Variants in COL1A2 observed in about 807,000 individuals in gnomAD.
The protein encoded by COL1A2 is collagen type I alpha 2 chain, also known as collagen alpha-2(I) chain.
In COL1A2, 49 loss-of-function variants were observed where a neutral mutation model predicts 174.3. The ratio of observed to expected loss-of-function variants is 0.28; its 90% CI spans 0.22 to 0.36. The LOEUF is 0.36. Among genes scored for constraint, COL1A2 ranks in the 10% least tolerant of loss-of-function variants. COL1A2 has a pLI of 1.00. For missense variants in COL1A2, 1,438 were observed against 1,822.7 expected (o/e 0.79, Z 3.84); for synonymous variants, 655 against 606.6 (o/e 1.08, Z -1.17).
chr7:94,406,323 C>T lies in COL1A2; in HGVS notation c.594+20C>T. On this transcript the variant is annotated intron_variant, in intron 12 of 51. Coordinates refer to ENST00000297268, the MANE Select transcript of COL1A2 (RefSeq NM_000089.4). ...GTGAAGGTAAATATTAAATTAGAAGCACTGTTTTTAAGCACTTGATTGAAA... is the reference window on the plus strand; with the variant it reads ...GTGAAGGTAAATATTAAATTAGAAGTACTGTTTTTAAGCACTTGATTGAAA... 1 of 1,612,656 alleles carries T rather than the reference C, an allele frequency of 6.2e-7. No individual in the cohort carries two copies. The highest frequency in any genetic ancestry group is 1.3e-5 in the African/African-American group (1 of 75,012).
intron 33 of COL1A2, 37 bp from the exon 34 acceptor site, chr7:94,419,461 G>A: frequency 6.2e-7 from 1 of 1,606,222 alleles, no homozygotes; most frequent in Admixed American, 1.7e-5. Context: ...ATGATACGGG[G>A]TGTTATTAAT....
Position 94,417,811 on chromosome 7 carries a change from C to A in COL1A2, c.1951C>A (p.Pro651Thr). ...LPGERGAAGI[P>T]GGKGEKGEPG... ...AGGAGAGAGGGGTGCTGCTGGCATA[C>A]CTGGAGGCAAGGGAGAAAAGGTACG... The change falls in exon 32 of 52, where the codon CCT (proline) becomes ACT (threonine). Residue 651 changes from proline (P) to threonine (T), a missense_variant. Pro to Thr is a conservative substitution (Grantham distance 38). Coordinates refer to ENST00000297268, the MANE Select transcript of COL1A2 (RefSeq NM_000089.4). 1 of 1,601,750 alleles carries A rather than the reference C, an allele frequency of 6.2e-7. No homozygotes were observed. The highest frequency in any genetic ancestry group is 8.5e-7 in the Non-Finnish European group (1 of 1,173,944).
chr7:94,416,690 C>G, intron 31 of COL1A2, 187 bp downstream of exon 31: 1 of 592,688 alleles, frequency 1.7e-6, no homozygotes, highest in East Asian at 2.8e-5. Flanking sequence ...CAAACAATAG[C>G]AACAAACTGT....
chr7:94,427,282 AC>A lies in COL1A2; in HGVS notation c.3256del (p.Gln1086LysfsTer18). ...GCTGGCATTCGAGGCCCTCAGGGTCACCAAGGCCCTGCTGTAAGTATGATTT... is the reference window on the plus strand; with the variant it reads ...GCTGGCATTCGAGGCCCTCAGGGTCACAAGGCCCTGCTGTAAGTATGATTT... ...GPAGIRGPQG[H>X]QGPAGPPGPP... On this transcript the variant is annotated frameshift_variant, in exon 48 of 52. Transcript: ENST00000297268. LOFTEE classifies it high-confidence loss of function. 6.2e-7 allele frequency: 1 copy of A among 1,612,574 alleles called. No homozygotes were observed. Among genetic ancestry groups the A allele is most frequent in the Non-Finnish European group, 8.5e-7 (1 of 1,179,132 alleles).
intron 12 of COL1A2, 131 bp from the exon 13 acceptor site, chr7:94,407,716 C>G: frequency 1.3e-6 from 1 of 769,496 alleles, no homozygotes; most frequent in East Asian, 2.8e-5. Flanking sequence ...AATTGAAAAA[C>G]AATCTATATG....
chr7:94,410,117 G>T (rs955275709), intron 19 of COL1A2, 125 bp from the exon 20 acceptor site: 14 of 951,836 alleles, frequency 1.5e-5, no homozygotes, highest in Non-Finnish European at 8.3e-6. Context: ...AATATGAACA[G>T]GGTACATTTC....
chr7:94,417,730 C>G lies in COL1A2; in HGVS notation c.1870C>G (p.Pro624Ala), dbSNP rs886062517. The G allele has an allele frequency of 3.0e-5, 47 of 1,591,458 alleles. No individual in the cohort carries two copies. The highest frequency in any genetic ancestry group is 3.8e-5 in the Non-Finnish European group (44 of 1,168,172). Reference protein sequence around the residue: ...PPGPDGNKGEPGVVGAVGTAG... With the variant: ...PPGPDGNKGEAGVVGAVGTAG... The stretch of plus-strand genomic sequence containing the variant: ...CACATGTGTTTGACTCAAGGGTGAA[C>G]CTGGTGTGGTTGGTGCTGTGGGCAC... The change falls in exon 32 of 52, where the codon CCT becomes GCT. Residue 624 changes from proline (P) to alanine (A), a missense_variant. Pro to Ala is a conservative substitution (Grantham distance 27). Coordinates refer to ENST00000297268, the MANE Select transcript of COL1A2 (RefSeq NM_000089.4).
chr7:94,427,939 A>T, intron 49 of COL1A2, 54 bp downstream of exon 49: 2 of 1,590,680 alleles, frequency 1.3e-6, no homozygotes, highest in Non-Finnish European at 1.7e-6. Context: ...GAGCTTTTCA[A>T]AATTAGTTTC....
In COL1A2 at chr7:94,427,042, T is replaced by C; in HGVS notation, c.3140T>C (p.Val1047Ala). 1.9e-6 allele frequency: 3 copies of C among 1,614,106 alleles called. No homozygotes were observed. Among genetic ancestry groups the C allele is most frequent in the East Asian group, 2.2e-5 (1 of 44,880 alleles). The part of the protein sequence containing the change: ...HHGDQGAPGS[V>A]GPAGPRGPAG... ...GGTGATCAAGGTGCTCCTGGCTCCG[T>C]GGGTCCTGCTGGTCCTAGGGTAGGT... The change falls in exon 47 of 52, where the codon GTG becomes GCG. Residue 1047 changes from valine to alanine, a missense_variant. Physicochemically the swap from Val to Ala is moderately conservative, Grantham distance 64. Coordinates refer to ENST00000297268, the MANE Select transcript of COL1A2 (RefSeq NM_000089.4).
chr7:94,408,412 G>A (rs1226199712), intron 15 of COL1A2, 32 bp downstream of exon 15: 3 of 1,611,382 alleles, frequency 1.9e-6, no homozygotes, highest in Non-Finnish European at 2.5e-6. Flanking sequence ...TTTGAAAGGA[G>A]TTGAGAATGT....
intron 32 of COL1A2, 74 bp from the exon 33 acceptor site, chr7:94,418,425 A>G (rs1459123907): frequency 2.2e-6 from 3 of 1,342,424 alleles, no homozygotes; most frequent in Non-Finnish European, 1.1e-6. Context: ...GTAAAAAAGA[A>G]AAAAACTTCA....
In COL1A2 at chr7:94,410,531, G is replaced by GGTTT. The variant is rs1295193888; in HGVS notation, c.1197+5_1197+8dup. The GGTTT allele has an allele frequency of 1.9e-6, 3 of 1,547,186 alleles. No homozygotes were observed. The Admixed American group carries it at 5.9e-5, about 30-fold the overall frequency. ...TCCAGGACCTCCTGGGCTGAGAGTA[G>GGTTT]GTTTCAAATGCTCCCAACACCCTAA... On this transcript the variant is annotated splice_donor_region_variant and intron_variant, in intron 21 of 51. Transcript: ENST00000297268.
chr7:94,430,038 T>A (rs1792366644), intron 51 of COL1A2: 1 of 589,028 alleles, frequency 1.7e-6, no homozygotes, highest in Admixed American at 3.0e-5. Context: ...GGTTTGTTTG[T>A]TTGTTTGTTT....
intron 46 of COL1A2, 179 bp downstream of exon 46, chr7:94,426,709 G>T: frequency 1.5e-6 from 1 of 686,224 alleles, no homozygotes; most frequent in Non-Finnish European, 2.6e-6. Context: ...CATGAAAGGT[G>T]AGGATTAAGG....
At chr7:94,408,273 A>G in intron 14 of COL1A2, 37 bp downstream of exon 14, 1 of 1,614,048 alleles carries the variant, frequency 6.2e-7, no homozygotes, top group Non-Finnish European at 8.5e-7. Context: ...TCATCCTTTT[A>G]AAAAATCTTC....
At chr7:94,430,108 G>A (rs2115969284) in intron 51 of COL1A2, 139 bp from the exon 52 acceptor site, 2 of 853,376 alleles carry the variant, frequency 2.3e-6, no homozygotes, top group Non-Finnish European at 3.8e-6. Context: ...GTTATTTCAA[G>A]GATGAACTTA....
chr7:94,410,641 G>T, intron 21 of COL1A2, 114 bp downstream of exon 21: 1 of 986,712 alleles, frequency 1.0e-6, no homozygotes, highest in Non-Finnish European at 1.6e-6. Context: ...AAAAGCATCT[G>T]CTTTCCATCT....
chr7:94,420,114 A>G, intron 34 of COL1A2, 119 bp from the exon 35 acceptor site: 1 of 1,274,222 alleles, frequency 7.8e-7, no homozygotes, highest in East Asian at 2.3e-5. Flanking sequence ...GATGTGCGTC[A>G]GTTATCTCTT....
chr7:94,412,599 G>A lies in COL1A2; in HGVS notation c.1420G>A (p.Asp474Asn), dbSNP rs761880600. ...KEGPVGLPGI[D>N]GRPGPIGPAG... ...CTGCTTTCAGGGCCTCCCTGGCATCGACGGCAGGCCTGGCCCAATTGGCCC... is the reference window on the plus strand; with the variant it reads ...CTGCTTTCAGGGCCTCCCTGGCATCAACGGCAGGCCTGGCCCAATTGGCCC... Residue 474 changes from aspartate to asparagine, a missense_variant, in exon 25 of 52, where the codon GAC (aspartate) becomes AAC (asparagine). By Grantham distance (23) the Asp-to-Asn change is conservative (BLOSUM62 1). Coordinates refer to ENST00000297268, the MANE Select transcript of COL1A2 (RefSeq NM_000089.4). The A allele has an allele frequency of 6.2e-6, 10 of 1,613,748 alleles. No homozygotes were observed. The East Asian group carries it at 8.9e-5, about 14-fold the overall frequency.
Sources: gnomAD v4.1 joint callset for allele counts on GRCh38, gnomAD v4.1.1 for gene constraint, MANE v1.5 for transcripts, NCBI Gene and HGNC (gene_info 2026-07-23, HGNC 2026-07-21) for gene names.